SNX13: variants seen among roughly 807,000 people sequenced by gnomAD.
SNX13 encodes the protein sorting nexin-13.
SNX13 carries 45 observed loss-of-function variants against 133.6 expected under a neutral mutation model. That is an observed-to-expected ratio of 0.34 (90% confidence interval 0.27 to 0.43). The LOEUF (loss-of-function observed/expected upper bound fraction) is 0.43, where lower values mean the gene tolerates loss of function less well. Among genes scored for constraint, SNX13 ranks in the 20% least tolerant of loss-of-function variants. The probability of loss-of-function intolerance (pLI) is 1.00; values close to 1 mark genes in which losing one functional copy is unlikely to be tolerated. For missense variants in SNX13, 1,032 were observed against 1,145.1 expected (o/e 0.90, Z 1.43); for synonymous variants, 414 against 373.9 (o/e 1.11, Z -1.24).
chr7:17,900,448 C>T (rs1212936399), intron 1 of SNX13, among the ~76,000 whole-genome samples: 1 of 152,188 alleles, frequency 6.6e-6, no homozygotes, highest in Non-Finnish European at 1.5e-5. Flanking sequence ...CTTCTGGAAG[C>T]CAGGGTCTGG....
At position 17,834,044 on chromosome 7, in the gene SNX13, C is replaced by A; in HGVS notation, c.1597+8G>T. The A allele has an allele frequency of 3.3e-6, 5 of 1,520,142 alleles. No individual in the cohort carries two copies. Among genetic ancestry groups the A allele is most frequent in the Non-Finnish European group, 4.4e-6 (5 of 1,126,706 alleles). 94.2% of individuals were successfully genotyped at this position (1,520,142 alleles called of 1,614,324 possible). A position where few individuals can be genotyped will look rare whatever the true frequency, so the allele number is the denominator to read the frequency against. On this transcript the variant is annotated splice_region_variant and intron_variant, in intron 15 of 25. Coordinates refer to ENST00000428135, the MANE Select transcript of SNX13 (RefSeq NM_015132.5). ...TGCATATTATGTGTAAAATGGGTGC[C>A]ACCTTACCTCCATCCCCATCATCGG...
intron 1 of SNX13, among the ~76,000 whole-genome samples, chr7:17,920,148 C>T (rs549084662): frequency 9.9e-5 from 15 of 152,166 alleles, no homozygotes; most frequent in Admixed American, 2.6e-4. Flanking sequence ...GATCGCTATA[C>T]GCAAAATAGA....
At chr7:17,874,748 T>A (rs1794515154) in intron 7 of SNX13, among the ~76,000 whole-genome samples, 1 of 152,210 alleles carries the variant, frequency 6.6e-6, no homozygotes, top group Non-Finnish European at 1.5e-5. Flanking sequence ...TAACAAAGAC[T>A]TAATACTTGC....
At chr7:17,863,966 T>C (rs1046913712) in intron 9 of SNX13, among the ~76,000 whole-genome samples, 7 of 152,214 alleles carry the variant, frequency 4.6e-5, no homozygotes, top group Non-Finnish European at 7.3e-5. Context: ...TTCCTGGGCT[T>C]AGGGATCCCA....
intron 20 of SNX13, among the ~76,000 whole-genome samples, chr7:17,806,059 G>A (rs1247057222): frequency 6.6e-6 from 1 of 152,154 alleles, no homozygotes; most frequent in Admixed American, 6.5e-5. Context: ...GGAGATTACG[G>A]ATTGCCAGCT....
intron 1 of SNX13, among the ~76,000 whole-genome samples, chr7:17,904,483 C>T (rs1329894859): frequency 2.0e-5 from 3 of 151,912 alleles, no homozygotes; most frequent in Admixed American, 6.6e-5. Flanking sequence ...TATCCTGGTT[C>T]ATGTGGAGAG....
At chr7:17,830,436 C>T (rs1178311126) in intron 15 of SNX13, 2 of 983,996 alleles carry the variant, frequency 2.0e-6, no homozygotes, top group African/African-American at 3.5e-5. Flanking sequence ...ACTTCTGTCT[C>T]ATTGGATTAA....
At chr7:17,912,021 T>C (rs545492391) in intron 1 of SNX13, among the ~76,000 whole-genome samples, 2 of 152,254 alleles carry the variant, frequency 1.3e-5, no homozygotes, top group South Asian at 2.1e-4. Context: ...CCCAAGATTG[T>C]GGATTAGAGG....
rs148006187 is a variant in SNX13 at position 17,925,917 on chromosome 7, T to C, written c.12+14367A>G. ...AGAACCTGGTTCTAACTGGGAAAAT[T>C]TGCACATACCAAGTATTAGATTATA... On this transcript the variant is annotated intron_variant, in intron 1 of 25. Transcript: ENST00000428135. Among the ~76,000 whole-genome samples, 731 of 152,314 alleles carry C rather than the reference T, an allele frequency of 4.8e-3. 2 individuals carry two copies. Among genetic ancestry groups the C allele is most frequent in the African/African-American group, 0.017 (691 of 41,566 alleles).
intron 1 of SNX13, among the ~76,000 whole-genome samples, chr7:17,933,991 A>C (rs1284770178): frequency 6.6e-6 from 1 of 152,232 alleles, no homozygotes; most frequent in African/African-American, 2.4e-5. Flanking sequence ...AAATCCCATC[A>C]TAAATAAGTG....
intron 1 of SNX13, among the ~76,000 whole-genome samples, chr7:17,931,915 C>CT (rs1031089081): frequency 9.2e-5 from 14 of 152,212 alleles, no homozygotes; most frequent in African/African-American, 3.4e-4. Flanking sequence ...TAACAGTACT[C>CT]TGTCTCCAAC....
chr7:17,841,703 G>A (rs973464687), intron 12 of SNX13, among the ~76,000 whole-genome samples: 2 of 151,536 alleles, frequency 1.3e-5, no homozygotes, highest in African/African-American at 4.8e-5. Flanking sequence ...ATATCTACTA[G>A]ATGAAGACTT....
At chr7:17,844,163 TAACA>T (rs1278258801) in intron 12 of SNX13, among the ~76,000 whole-genome samples, 27 of 151,858 alleles carry the variant, frequency 1.8e-4, no homozygotes, top group Middle Eastern at 3.4e-3. Context: ...GTGACAAAAT[TAACA>T]AACATTTATC....
At chr7:17,856,816 G>GAAAGGA (rs1554330846) in intron 9 of SNX13, among the ~76,000 whole-genome samples, 1 of 136,152 alleles carries the variant, frequency 7.3e-6, no homozygotes, top group African/African-American at 2.7e-5. Context: ...AAGAAAGAAA[G>GAAAGGA]AAAAGAAAAA....
chr7:17,805,249 G>GCGCA (rs1562662714), intron 20 of SNX13, among the ~76,000 whole-genome samples: 11 of 121,698 alleles, frequency 9.0e-5, no homozygotes, highest in African/African-American at 3.3e-4. Flanking sequence ...GTGTGTGTGT[G>GCGCA]TGCGTGCGCG....
At position 17,936,833 on chromosome 7, in the gene SNX13, A is replaced by C. The variant is rs547025256; in HGVS notation, c.12+3451T>G. 1.9e-3 allele frequency among the ~76,000 whole-genome samples: 271 copies of C among 139,462 alleles called. 1 individual carries two copies. The highest frequency in any genetic ancestry group is 3.6e-3 in the Admixed American group (50 of 13,986). 91.5% of individuals were successfully genotyped at this position (139,462 alleles called of 152,430 possible). A position where few individuals can be genotyped will look rare whatever the true frequency, so the allele number is the denominator to read the frequency against. The stretch of plus-strand genomic sequence containing the variant: ...AGTTTACTGTTAGGGGAAAAGAAAA[A>C]AAAAAAGAAAAAAAAAGAAGGGATA... On this transcript the variant is annotated intron_variant, in intron 1 of 25. Transcript: ENST00000428135.
chr7:17,933,613 ACTATCCC>A (rs913337731), intron 1 of SNX13, among the ~76,000 whole-genome samples: 3 of 151,976 alleles, frequency 2.0e-5, no homozygotes, highest in African/African-American at 7.2e-5. Flanking sequence ...CACACAAGAA[ACTATCCC>A]CTTTTTTCTC....
At chr7:17,867,250 T>C (rs1793503299) in intron 9 of SNX13, among the ~76,000 whole-genome samples, 1 of 152,072 alleles carries the variant, frequency 6.6e-6, no homozygotes, top group Admixed American at 6.6e-5. Flanking sequence ...ACACAATTAA[T>C]AACAACTTTT....
chr7:17,860,160 T>G (rs1230455429), intron 9 of SNX13, among the ~76,000 whole-genome samples: 2 of 152,112 alleles, frequency 1.3e-5, no homozygotes, highest in East Asian at 1.9e-4. Context: ...GATATTTTGT[T>G]TTTTTTTCTT....
Sources: allele counts gnomAD v4.1 joint callset (sites outside exome capture counted in the v4.1 genomes callset), GRCh38; gene constraint gnomAD v4.1.1; transcripts MANE v1.5; gene names NCBI Gene and HGNC (gene_info 2026-07-23, HGNC 2026-07-21).